The following UBE4A variants were observed in gnomAD, a reference collection of about 807,000 sequenced individuals.
UBE4A encodes the protein ubiquitin conjugation factor E4 A.
Under a neutral mutation model 117.9 loss-of-function variants are expected in UBE4A, and 48 were observed. That is an observed-to-expected ratio of 0.41 (90% CI 0.32 to 0.52). UBE4A has a LOEUF of 0.52. Among genes scored for constraint, UBE4A ranks in the 20% least tolerant of loss-of-function variants. UBE4A has a pLI of 0.33. For synonymous variants in UBE4A, 407 were observed against 450.0 expected (o/e 0.90, Z 1.21); for missense variants, 1,067 against 1,296.3 (o/e 0.82, Z 2.72).
chr11:118,361,345 G>A (rs1385884431), intron 1 of UBE4A, among the ~76,000 whole-genome samples: 4 of 152,154 alleles, frequency 2.6e-5, no homozygotes, highest in South Asian at 2.1e-4. Context: ...TATAAATCCC[G>A]AATGACATTA....
intron 4 of UBE4A, among the ~76,000 whole-genome samples, chr11:118,370,150 C>G (rs1948597859): frequency 6.6e-6 from 1 of 151,988 alleles, no homozygotes; most frequent in East Asian, 1.9e-4. Context: ...ACTCCCTCCT[C>G]TGGGTACCTA....
rs1591299705 is a variant in UBE4A, at chr11:118,376,707, A to C, written c.1571+13A>C. 1.2e-6 allele frequency: 2 copies of C among 1,611,946 alleles called. No individual in the cohort carries two copies. Among genetic ancestry groups the C allele is most frequent in the South Asian group, 1.1e-5 (1 of 90,816 alleles). On this transcript the variant is annotated intron_variant, in intron 10 of 19. Transcript: ENST00000252108. ...TGGGATTTCACAGGTAACTCCTCTG[A>C]TGTCATTAGGAAAAAACAGTTTAGT...
chr11:118,386,293 T>A (rs1401119788), intron 15 of UBE4A, 145 bp from the exon 16 acceptor site: 34 of 867,034 alleles, frequency 3.9e-5, no homozygotes, highest in Non-Finnish European at 5.2e-5. Context: ...TTCAGCCTTA[T>A]GCTGAGAAAT....
chr11:118,372,783 G>A, intron 6 of UBE4A, 117 bp downstream of exon 6: 1 of 1,446,104 alleles, frequency 6.9e-7, no homozygotes, highest in South Asian at 1.2e-5. Flanking sequence ...TTAAGGAGGA[G>A]GGCTCACATC....
At chr11:118,385,687 A>G (rs1948750311) in intron 15 of UBE4A, among the ~76,000 whole-genome samples, 1 of 152,234 alleles carries the variant, frequency 6.6e-6, no homozygotes, top group Non-Finnish European at 1.5e-5. Flanking sequence ...GAGATGAAGC[A>G]GGTAAATCCT....
chr11:118,374,048 AG>A (rs1948630814), intron 8 of UBE4A, among the ~76,000 whole-genome samples: 1 of 152,108 alleles, frequency 6.6e-6, no homozygotes, highest in South Asian at 2.1e-4. Context: ...TGGGAGGTCA[AG>A]ACTTCAGTAA....
intron 2 of UBE4A, 124 bp from the exon 3 acceptor site, chr11:118,368,507 T>C: frequency 9.0e-7 from 1 of 1,109,392 alleles, no homozygotes; most frequent in Non-Finnish European, 1.3e-6. Context: ...TGTTCACTAA[T>C]TAGATGATTA....
chr11:118,369,061 G>A (rs1948587613), intron 3 of UBE4A, among the ~76,000 whole-genome samples: 1 of 152,174 alleles, frequency 6.6e-6, no homozygotes, highest in East Asian at 1.9e-4. Context: ...AAAAGGAAAT[G>A]GGAAGGGTAG....
At chr11:118,382,507 T>A (rs1008269761) in intron 12 of UBE4A, 82 bp from the exon 13 acceptor site, 12 of 1,221,720 alleles carry the variant, frequency 9.8e-6, no homozygotes, top group Middle Eastern at 2.2e-4. Flanking sequence ...TAGGGTGGAT[T>A]TTGATTCTTA....
intron 6 of UBE4A, 62 bp from the exon 7 acceptor site, chr11:118,373,024 A>T: frequency 2.3e-6 from 3 of 1,304,640 alleles, no homozygotes; most frequent in Non-Finnish European, 3.3e-6. Flanking sequence ...GTAAAGAGCT[A>T]GTGTGTAAAG....
At chr11:118,364,722 T>G (rs1316763387) in intron 1 of UBE4A, among the ~76,000 whole-genome samples, 1 of 152,138 alleles carries the variant, frequency 6.6e-6, no homozygotes, top group African/African-American at 2.4e-5. Flanking sequence ...TCTCTTTGAC[T>G]TCAATAATTC....
chr11:118,383,263 T>C (rs1442290595), intron 13 of UBE4A, among the ~76,000 whole-genome samples: 1 of 152,146 alleles, frequency 6.6e-6, no homozygotes, highest in African/African-American at 2.4e-5. Flanking sequence ...TTAACCAGAC[T>C]ATCTAACTCT....
chr11:118,384,020 G>T (rs782312464), intron 13 of UBE4A, among the ~76,000 whole-genome samples: 4 of 152,142 alleles, frequency 2.6e-5, no homozygotes, highest in Non-Finnish European at 5.9e-5. Flanking sequence ...CTGAGGAAGT[G>T]GAAGCTGAAG....
intron 15 of UBE4A, among the ~76,000 whole-genome samples, 188 bp downstream of exon 15, chr11:118,385,133 A>G (rs576017107): frequency 2.0e-5 from 3 of 152,216 alleles, no homozygotes; most frequent in African/African-American, 7.2e-5. Flanking sequence ...AGTTCATTCC[A>G]TTAGAGACCA....
chr11:118,371,987 C>CA (rs1163069513), intron 5 of UBE4A, among the ~76,000 whole-genome samples: 3 of 152,182 alleles, frequency 2.0e-5, no homozygotes. Context: ...AGGCTGGGCA[C>CA]AGTGGCTCAC....
intron 6 of UBE4A, 120 bp downstream of exon 6, chr11:118,372,786 C>T (rs1002551695): frequency 7.0e-7 from 1 of 1,423,762 alleles, no homozygotes; most frequent in East Asian, 2.3e-5. Flanking sequence ...AGGAGGAGGG[C>T]TCACATCTTG....
At chr11:118,384,467 A>C (rs1555126826) in intron 13 of UBE4A, among the ~76,000 whole-genome samples, 168 bp from the exon 14 acceptor site, 1 of 152,218 alleles carries the variant, frequency 6.6e-6, no homozygotes, top group Non-Finnish European at 1.5e-5. Context: ...GGAAATGAGC[A>C]AACACTTGGC....
intron 2 of UBE4A, among the ~76,000 whole-genome samples, chr11:118,366,141 G>C (rs1016240740): frequency 6.6e-6 from 1 of 151,282 alleles, no homozygotes; most frequent in African/African-American, 2.4e-5. Flanking sequence ...AGAGGTAAAG[G>C]CAAGACAGAT....
At chr11:118,369,595 C>T (rs942749367) in intron 4 of UBE4A, 60 bp downstream of exon 4, 2 of 1,187,092 alleles carry the variant, frequency 1.7e-6, no homozygotes, top group African/African-American at 1.5e-5. Context: ...CGGCTGAATT[C>T]TGCTCACTGT....
Sources: allele counts gnomAD v4.1 joint callset (sites outside exome capture counted in the v4.1 genomes callset), GRCh38; gene constraint gnomAD v4.1.1; transcripts MANE v1.5; gene names NCBI Gene and HGNC (gene_info 2026-07-23, HGNC 2026-07-21).